The following FGF13 variants were observed in gnomAD, a reference collection of about 807,000 sequenced individuals.
The protein encoded by FGF13 is fibroblast growth factor 13.
Under a neutral mutation model 19.5 loss-of-function variants are expected in FGF13, and 2 were observed. The ratio of observed to expected loss-of-function variants is 0.10; its 90% CI spans 0.04 to 0.32. FGF13 has a LOEUF of 0.32. FGF13 is among the 10% of genes least tolerant of loss of function. FGF13 has a pLI of 1.00. For synonymous variants in FGF13, 72 were observed against 76.9 expected, an observed-to-expected ratio of 0.94 and a Z score of 0.33; for missense variants, 113 against 192.7, an observed-to-expected ratio of 0.59 and a Z score of 2.45.
At chrX:138,699,078 C>T (rs778664170) in intron 3 of FGF13, among the ~76,000 whole-genome samples, 1 of 111,538 alleles carries the variant, frequency 9.0e-6, no homozygotes, top group Non-Finnish European at 1.9e-5. Flanking sequence ...ACCCCCATAC[C>T]TTTGACTTTC....
chrX:139,052,043 A>G (rs1038068198), intron 1 of FGF13, among the ~76,000 whole-genome samples: 3 of 111,994 alleles, frequency 2.7e-5, no homozygotes, highest in Non-Finnish European at 5.6e-5. Context: ...TTTTGTATGG[A>G]AACATTCTTT....
chrX:138,875,515 A>G (rs1569415949), intron 1 of FGF13, among the ~76,000 whole-genome samples: 1 of 112,131 alleles, frequency 8.9e-6, no homozygotes, highest in Admixed American at 9.4e-5. Context: ...TGTGATGGCT[A>G]ATTTTATGTG....
chrX:139,001,331 C>G (rs1204688244), intron 1 of FGF13, among the ~76,000 whole-genome samples: 2 of 111,381 alleles, frequency 1.8e-5, no homozygotes, highest in Non-Finnish European at 3.8e-5. Context: ...CCAAAATTGA[C>G]AAGTGGGATC....
exon 3 of FGF13, chrX:138,857,567 T>A: frequency 7.5e-6 from 9 of 1,207,629 alleles, no homozygotes; most frequent in Non-Finnish European, 9.0e-6. Flanking sequence ...AGCAGAAGAT[T>A]TCGTGACACT....
chrX:139,162,702 A>G (rs1472579713), intron 1 of FGF13, among the ~76,000 whole-genome samples: 1 of 112,337 alleles, frequency 8.9e-6, no homozygotes, highest in African/African-American at 3.2e-5. Context: ...CAAGATAAAA[A>G]CAAACAACTC....
At chrX:138,736,538 C>A (rs2090275908) in intron 1 of FGF13, among the ~76,000 whole-genome samples, 1 of 110,191 alleles carries the variant, frequency 9.1e-6, no homozygotes, top group African/African-American at 3.3e-5. Context: ...TGAGGCACTG[C>A]CCAGGTGATA....
At chrX:138,878,981 C>T (rs2091407729) in intron 1 of FGF13, among the ~76,000 whole-genome samples, 1 of 111,272 alleles carries the variant, frequency 9.0e-6, no homozygotes, top group Admixed American at 9.5e-5. Flanking sequence ...TATCCTTCGC[C>T]CACTTTTTGA....
intron 3 of FGF13, among the ~76,000 whole-genome samples, chrX:138,842,116 C>G (rs1346769381): frequency 8.9e-6 from 1 of 112,330 alleles, no homozygotes; most frequent in African/African-American, 3.2e-5. Context: ...TGAGCAGAAG[C>G]CTTCTAAAAG....
chrX:138,986,929 T>A lies in FGF13; in HGVS notation c.-112-122279A>T, dbSNP rs374861263. On this transcript the variant is annotated intron_variant, in intron 1 of 2. Transcript: ENST00000421460. ...CATCTATTACCTCACCATCTCTTCA[T>A]ACCAAATATTTAATACTGTTATAAT... 3.6e-5 allele frequency among the ~76,000 whole-genome samples: 4 copies of A among 112,435 alleles called. No homozygotes were observed. In the East Asian group the frequency reaches 8.3e-4, roughly 23 times the overall value.
chrX:138,653,967 G>A (rs2089404954), intron 3 of FGF13, among the ~76,000 whole-genome samples: 1 of 111,886 alleles, frequency 8.9e-6, no homozygotes, highest in Non-Finnish European at 1.9e-5. Context: ...TTGGTGTGCT[G>A]TACACTCTTG....
At chrX:138,750,032 A>C (rs1315914058) in intron 3 of FGF13, among the ~76,000 whole-genome samples, 2 of 111,654 alleles carry the variant, frequency 1.8e-5, no homozygotes. Flanking sequence ...TGATAGCCTC[A>C]ATTAAGGCAA....
chrX:138,961,358 T>G (rs2091868991), intron 1 of FGF13, among the ~76,000 whole-genome samples: 1 of 111,419 alleles, frequency 9.0e-6, no homozygotes, highest in South Asian at 3.8e-4. Context: ...GAACAGCAAA[T>G]ACTGCAGAAC....
Position 138,615,865 on chromosome X carries a change from T to C in FGF13, c.*16985A>G, listed in dbSNP as rs2088963694. 9.0e-6 allele frequency: 1 copy of C among 111,452 alleles called. No homozygotes were observed. The highest frequency in any genetic ancestry group is 1.9e-5 in the Non-Finnish European group (1 of 53,372). 9.2% of individuals were successfully genotyped at this position (111,452 alleles called of 1,213,427 possible). A position where few individuals can be genotyped will look rare whatever the true frequency, so the allele number is the denominator to read the frequency against. On this transcript the variant is annotated 3_prime_UTR_variant, in exon 5 of 5. Transcript: ENST00000315930. ...CTTCACAGGGTGGCAGGAGAGAGAATGAGTGCCAGCAGGGGAAATGCCAGA... is the reference window on the plus strand; with the variant it reads ...CTTCACAGGGTGGCAGGAGAGAGAACGAGTGCCAGCAGGGGAAATGCCAGA...
chrX:138,680,479 T>C (rs2089716988), intron 3 of FGF13, among the ~76,000 whole-genome samples: 1 of 112,005 alleles, frequency 8.9e-6, no homozygotes, highest in Non-Finnish European at 1.9e-5. Flanking sequence ...GTTGTGCTAG[T>C]GGCCATGAAA....
chrX:138,721,804 A>G lies in FGF13; in HGVS notation c.29-12876T>C, dbSNP rs192105859. On this transcript the variant is annotated intron_variant, in intron 1 of 4. Transcript: ENST00000305414. ...ATATCTATACACACAAATGTTATAT[A>G]TAAAATATATATACACACATATATT... Among the ~76,000 whole-genome samples the G allele has an allele frequency of 1.2e-4, 13 of 110,392 alleles. No individual in the cohort carries two copies. The East Asian group carries it at 3.4e-3, about 29-fold the overall frequency.
chrX:138,731,631 G>A (rs2090232258), intron 1 of FGF13, among the ~76,000 whole-genome samples: 1 of 109,729 alleles, frequency 9.1e-6, no homozygotes, highest in African/African-American at 3.3e-5. Context: ...CTTAAGAAAC[G>A]AAAAAAACTA....
At chrX:138,717,091 C>T (rs1223548355) in intron 1 of FGF13, among the ~76,000 whole-genome samples, 1 of 112,084 alleles carries the variant, frequency 8.9e-6, no homozygotes, top group East Asian at 2.8e-4. Flanking sequence ...ATAAAACGCC[C>T]TGATGGTATT....
intron 1 of FGF13, among the ~76,000 whole-genome samples, chrX:139,177,507 A>G (rs1347727315): frequency 9.0e-6 from 1 of 111,430 alleles, no homozygotes; most frequent in Non-Finnish European, 1.9e-5. Context: ...ATGCAGTTTC[A>G]GCACAGTGTT....
chrX:138,731,689 G>A (rs1267391520), intron 1 of FGF13, among the ~76,000 whole-genome samples: 2 of 110,145 alleles, frequency 1.8e-5, no homozygotes, highest in Admixed American at 1.9e-4. Flanking sequence ...AAATGAGAAA[G>A]GAAATCAGTG....
Sources: allele counts gnomAD v4.1 joint callset (sites outside exome capture counted in the v4.1 genomes callset), GRCh38; gene constraint gnomAD v4.1.1; transcripts MANE v1.5; gene names NCBI Gene and HGNC (gene_info 2026-07-23, HGNC 2026-07-21).